Variants in PTBP1 observed in about 807,000 individuals in gnomAD.
PTBP1 encodes polypyrimidine tract binding protein 1, also known as polypyrimidine tract-binding protein 1.
Under a neutral mutation model 59.8 loss-of-function variants are expected in PTBP1, and 8 were observed. That is an observed-to-expected ratio of 0.13 (90% CI 0.08 to 0.24). The LOEUF (loss-of-function observed/expected upper bound fraction) is 0.24, where lower values mean the gene tolerates loss of function less well. Among genes scored for constraint, PTBP1 ranks in the 10% least tolerant of loss-of-function variants. PTBP1 has a pLI of 1.00. For missense variants in PTBP1, 686 were observed against 767.0 expected, an observed-to-expected ratio of 0.89 and a Z score of 1.25; for synonymous variants, 490 against 320.7, an observed-to-expected ratio of 1.53 and a Z score of -5.64.
intron 8 of PTBP1, 129 bp downstream of exon 8, chr19:805,316 A>G (rs1237800532): frequency 1.6e-6 from 2 of 1,255,652 alleles, no homozygotes; most frequent in Admixed American, 2.0e-5. Flanking sequence ...CACGGCCAGC[A>G]CAGCACGGTC....
At chr19:800,223 C>T (rs1205618277) in intron 2 of PTBP1, among the ~76,000 whole-genome samples, 1 of 151,988 alleles carries the variant, frequency 6.6e-6, no homozygotes, top group Non-Finnish European at 1.5e-5. Flanking sequence ...TGTGAGCCGC[C>T]AGACCCGGCT....
chr19:803,715 C>G, intron 3 of PTBP1, 79 bp downstream of exon 3: 1 of 1,313,228 alleles, frequency 7.6e-7, no homozygotes, highest in Non-Finnish European at 1.1e-6. Flanking sequence ...TTCTGGGACT[C>G]TACTTTCCAT....
intron 2 of PTBP1, among the ~76,000 whole-genome samples, chr19:802,097 C>T (rs1015953306): frequency 6.6e-5 from 10 of 152,166 alleles, no homozygotes; most frequent in Admixed American, 2.0e-4. Context: ...TGTTTGGTGA[C>T]GCCCTGAGTG....
intron 1 of PTBP1, among the ~76,000 whole-genome samples, chr19:797,932 C>T (rs965191384): frequency 1.1e-4 from 17 of 148,822 alleles, no homozygotes; most frequent in African/African-American, 3.2e-4. Context: ...CCGTTGGCCC[C>T]AGCGCGCGTG....
chr19:811,285 GCGCGGCGGC>G lies in PTBP1; in HGVS notation c.*466_*474del, dbSNP rs2034855374. On this transcript the variant is annotated 3_prime_UTR_variant, in exon 15 of 15. Coordinates refer to ENST00000356948, the MANE Select transcript of PTBP1 (RefSeq NM_002819.5). ...GCTCCTGCAGGATCATGCAGCTGGGGCGCGGCGGCCGCGGCTGCGACACCCCAACCCCAG... is the reference window on the plus strand; with the variant it reads ...GCTCCTGCAGGATCATGCAGCTGGGGCGCGGCTGCGACACCCCAACCCCAG... 6.5e-6 allele frequency: 1 copy of G among 153,128 alleles called. No individual in the cohort carries two copies. The allele number at this position is 153,128 out of a possible 1,614,324, so 9.5% of individuals were successfully genotyped here.
chr19:808,364 C>T lies in PTBP1; in HGVS notation c.1158C>T (p.Val386=). ...CCCATCCCTGGGCTTTTGAAGGCGT[C>T]TACGGTGACGTGCAGCGCGTGAAGA... ...TPQSLFILFG[V]YGDVQRVKIL... The change falls in exon 12 of 15, where the codon GTC becomes GTT. Residue 386 remains valine, a synonymous_variant. Transcript: ENST00000356948. This position sits in a 1 kb window ranked among gnomAD's most constrained non-coding sequence, Gnocchi z 4.7. The T allele has an allele frequency of 1.9e-6, 3 of 1,597,752 alleles. No homozygotes were observed. Among genetic ancestry groups the T allele is most frequent in the Middle Eastern group, 2.2e-4 (1 of 4,630 alleles).
chr19:806,731 C>A (rs2034598485), intron 10 of PTBP1, 175 bp downstream of exon 10: 1 of 541,846 alleles, frequency 1.8e-6, no homozygotes, highest in East Asian at 3.5e-5. Flanking sequence ...TTGAGTTTTC[C>A]TCTTTTCCTG....
rs1231412039 is a variant in PTBP1 at position 810,493 on chromosome 19, G to GCGCCCC, written c.1464-48_1464-43dup. 3.2e-6 allele frequency: 5 copies of GCGCCCC among 1,546,302 alleles called. No homozygotes were observed. In the African/African-American group the frequency reaches 5.5e-5, roughly 17 times the overall value. On this transcript the variant is annotated intron_variant, in intron 13 of 14. Coordinates refer to ENST00000356948, the MANE Select transcript of PTBP1 (RefSeq NM_002819.5). ...GGGAAAGCCTCGCGGACCTGACTGG[G>GCGCCCC]CGCCCCCACCCCCACGCGGCCCCAG...
rs912901310 is a variant in PTBP1 at position 811,134 on chromosome 19, C to G, written c.*308C>G. ...GCGTGGGGCCTGCAGGTGGGCGCCC[C>G]GACCACGACTTGGCTTCCTTGTGCC... On this transcript the variant is annotated 3_prime_UTR_variant, in exon 15 of 15. Transcript: ENST00000356948. The G allele has an allele frequency of 1.1e-5, 3 of 266,956 alleles. No individual in the cohort carries two copies. Among genetic ancestry groups the G allele is most frequent in the African/African-American group, 6.6e-5 (3 of 45,142 alleles). 16.5% of individuals were successfully genotyped at this position (266,956 alleles called of 1,614,324 possible).
At chr19:801,310 A>C (rs1403347005) in intron 2 of PTBP1, among the ~76,000 whole-genome samples, 1 of 152,128 alleles carries the variant, frequency 6.6e-6, no homozygotes, top group Non-Finnish European at 1.5e-5. Context: ...GGAGCCTCGG[A>C]GCCTCCAGGT....
At chr19:799,154 A>G (rs1391679253) in intron 1 of PTBP1, among the ~76,000 whole-genome samples, 1 of 152,220 alleles carries the variant, frequency 6.6e-6, no homozygotes, top group Admixed American at 6.5e-5. Flanking sequence ...GGCCTGGTCC[A>G]GAGGTGGGGC....
intron 9 of PTBP1, chr19:805,889 A>G (rs1163521713): frequency 5.2e-6 from 2 of 387,476 alleles, no homozygotes; most frequent in Non-Finnish European, 9.6e-6. Flanking sequence ...TAGTAGTTGA[A>G]TTTGAGTGGC....
intron 2 of PTBP1, among the ~76,000 whole-genome samples, chr19:802,499 G>C (rs907519549): frequency 6.6e-6 from 1 of 152,060 alleles, no homozygotes; most frequent in Non-Finnish European, 1.5e-5. Context: ...TTTCTGATGC[G>C]ATGGCCCTGG....
At chr19:805,821 T>G in intron 9 of PTBP1, 1 of 524,284 alleles carries the variant, frequency 1.9e-6, no homozygotes, top group Non-Finnish European at 3.4e-6. Context: ...TGTGGTCTGG[T>G]TCCCTTCAAG....
At position 808,412 on chromosome 19, in the gene PTBP1, C is replaced by T. The variant is rs200150064; in HGVS notation, c.1206C>T (p.Asn402=). 101 of 1,607,228 alleles carry T rather than the reference C, an allele frequency of 6.3e-5. No individual in the cohort carries two copies. In the East Asian group the frequency reaches 1.8e-3, roughly 29 times the overall value. Residue 402 remains asparagine, a synonymous_variant, in exon 12 of 15, where the codon AAC becomes AAT. Coordinates refer to ENST00000356948, the MANE Select transcript of PTBP1 (RefSeq NM_002819.5). The surrounding 1 kb of genome is among the most constrained non-coding windows in gnomAD (Gnocchi z 4.7). ...AGATCCTGTTCAATAAGAAGGAGAACGCCCTAGTGCAGATGGCGGACGGCA... is the reference window on the plus strand; with the variant it reads ...AGATCCTGTTCAATAAGAAGGAGAATGCCCTAGTGCAGATGGCGGACGGCA... ...RVKILFNKKE[N]ALVQMADGNQ...
chr19:799,374 C>G (rs765766199), intron 1 of PTBP1, 39 bp from the exon 2 acceptor site: 12 of 1,607,422 alleles, frequency 7.5e-6, no homozygotes, highest in Non-Finnish European at 1.0e-5. Flanking sequence ...TGCTGAGTGG[C>G]CACCAGGCTA....
intron 9 of PTBP1, 185 bp downstream of exon 9, chr19:805,754 G>A (rs990132894): frequency 4.9e-6 from 3 of 611,714 alleles, no homozygotes; most frequent in Admixed American, 2.9e-5. Flanking sequence ...GTAGGACAGG[G>A]CTGTGGAGGC....
chr19:811,157 G>T lies in PTBP1; in HGVS notation c.*331G>T. 4.6e-6 allele frequency: 1 copy of T among 218,748 alleles called. No homozygotes were observed. The highest frequency in any genetic ancestry group is 1.3e-4 in the South Asian group (1 of 7,708). The allele number at this position is 218,748 out of a possible 1,614,324, so 13.6% of individuals were successfully genotyped here. ...CCCGACCACGACTTGGCTTCCTTGT[G>T]CCTTAAAAAACCTGCCTTCCTGCAG... On this transcript the variant is annotated 3_prime_UTR_variant, in exon 15 of 15. Coordinates refer to ENST00000356948, the MANE Select transcript of PTBP1 (RefSeq NM_002819.5).
Position 803,612 on chromosome 19 carries a change from A to G in PTBP1, c.91A>G (p.Met31Val), listed in dbSNP as rs2034433265. ...TTGTGTCACTAACGGACCGTTTATC[A>G]TGAGCAGCAACTCGGCTTCTGCAGG... ...STCVTNGPFI[M>V]SSNSASAANG... The change falls in exon 3 of 15, where the codon ATG becomes GTG. Residue 31 changes from methionine (M) to valine (V), a missense_variant. Physicochemically the swap from Met to Val is conservative, Grantham distance 21 (BLOSUM62 1). Coordinates refer to ENST00000356948, the MANE Select transcript of PTBP1 (RefSeq NM_002819.5). 1 of 1,614,068 alleles carries G rather than the reference A, an allele frequency of 6.2e-7. No homozygotes were observed. The highest frequency in any genetic ancestry group is 8.5e-7 in the Non-Finnish European group (1 of 1,180,024).
Sources: allele counts gnomAD v4.1 joint callset (sites outside exome capture counted in the v4.1 genomes callset), GRCh38; gene constraint gnomAD v4.1.1; non-coding constraint Gnocchi (gnomAD v3.1); transcripts MANE v1.5; gene names NCBI Gene and HGNC (gene_info 2026-07-23, HGNC 2026-07-21).